ZNF385D: variants seen among roughly 807,000 people sequenced by gnomAD.
ZNF385D encodes zinc finger protein 385D, also known as zinc finger protein 659.
A neutral mutation model predicts 35.8 loss-of-function variants in ZNF385D; 15 were observed. The observed-to-expected ratio is 0.42, with a 90% confidence interval of 0.28 to 0.64. The LOEUF is 0.64. Ranked by LOEUF, ZNF385D falls within the 30% of genes least tolerant of loss-of-function variation. The probability of loss-of-function intolerance (pLI) is 0.23; values close to 1 mark genes in which losing one functional copy is unlikely to be tolerated. For missense variants in ZNF385D, 474 were observed against 494.6 expected, an observed-to-expected ratio of 0.96 and a Z score of 0.39; for synonymous variants, 212 against 186.8, an observed-to-expected ratio of 1.13 and a Z score of -1.10.
chr3:21,489,154 A>G (rs1705234908), intron 4 of ZNF385D, among the ~76,000 whole-genome samples: 1 of 152,076 alleles, frequency 6.6e-6, no homozygotes, highest in Non-Finnish European at 1.5e-5. Flanking sequence ...ACACACACAC[A>G]CTAAGTAGAG....
chr3:22,085,866 C>A (rs954580007), intron 3 of ZNF385D, among the ~76,000 whole-genome samples: 1 of 152,158 alleles, frequency 6.6e-6, no homozygotes, highest in African/African-American at 2.4e-5. Context: ...ATGATCAAGT[C>A]AGCTTCATCC....
At position 21,419,819 on chromosome 3, in the gene ZNF385D, T is replaced by G. The variant is rs538577591; in HGVS notation, c.*1395A>C. 2.0e-5 allele frequency: 3 copies of G among 152,078 alleles called. No homozygotes were observed. Among genetic ancestry groups the G allele is most frequent in the Admixed American group, 2.0e-4 (3 of 15,272 alleles). 9.4% of individuals were successfully genotyped at this position (152,078 alleles called of 1,614,324 possible). A position where few individuals can be genotyped will look rare whatever the true frequency, so the allele number is the denominator to read the frequency against. On this transcript the variant is annotated 3_prime_UTR_variant, in exon 8 of 8. Coordinates refer to ENST00000281523, the MANE Select transcript of ZNF385D (RefSeq NM_024697.3). ...ATTATTTTATATAGATTTTTTCTTT[T>G]TATAACTTATTCTCTTAATCTTTCT...
At chr3:21,913,782 C>T (rs1197442786) in intron 3 of ZNF385D, among the ~76,000 whole-genome samples, 2 of 152,052 alleles carry the variant, frequency 1.3e-5, no homozygotes, top group Non-Finnish European at 2.9e-5. Flanking sequence ...ATTCGGCAGC[C>T]ATCCTCCCAC....
intron 2 of ZNF385D, among the ~76,000 whole-genome samples, chr3:22,327,701 G>A (rs1694742523): frequency 6.6e-6 from 1 of 152,170 alleles, no homozygotes; most frequent in Non-Finnish European, 1.5e-5. Flanking sequence ...ATGCTGCTTG[G>A]CAGATATGAA....
chr3:22,155,652 G>A lies in ZNF385D; in HGVS notation c.325+13165C>T, dbSNP rs548027319. ...GATTGTCTCAAATGTAAGAACTCCT[G>A]TTAAAATAGTTAATAAAGAGAACAT... On this transcript the variant is annotated intron_variant, in intron 3 of 5. Transcript: ENST00000494108. Among the ~76,000 whole-genome samples the A allele has an allele frequency of 8.5e-5, 13 of 152,064 alleles. No individual in the cohort carries two copies. The South Asian group carries it at 1.7e-3, about 19-fold the overall frequency.
chr3:21,877,485 T>G (rs1341526880), intron 3 of ZNF385D, among the ~76,000 whole-genome samples: 1 of 152,038 alleles, frequency 6.6e-6, no homozygotes, highest in Non-Finnish European at 1.5e-5. Context: ...GGTAGTTATT[T>G]AAAGTTAATT....
intron 2 of ZNF385D, among the ~76,000 whole-genome samples, chr3:22,323,141 T>C (rs1330815249): frequency 6.6e-6 from 1 of 152,156 alleles, no homozygotes; most frequent in African/African-American, 2.4e-5. Context: ...TCTACCTGTA[T>C]GGCCTCTTGG....
intron 2 of ZNF385D, among the ~76,000 whole-genome samples, chr3:22,276,048 G>A (rs1226278507): frequency 1.3e-5 from 2 of 152,230 alleles, no homozygotes; most frequent in East Asian, 3.9e-4. Context: ...TCCTGCCACT[G>A]CACTCCAGCC....
chr3:22,153,461 CTTCTT>C (rs1559411826), intron 3 of ZNF385D, among the ~76,000 whole-genome samples: 2 of 119,566 alleles, frequency 1.7e-5, no homozygotes, highest in African/African-American at 7.3e-5. Flanking sequence ...CCATGAAATT[CTTCTT>C]TTTTTTTTTT....
At chr3:22,272,935 A>T (rs1701251261) in intron 2 of ZNF385D, among the ~76,000 whole-genome samples, 1 of 152,010 alleles carries the variant, frequency 6.6e-6, no homozygotes, top group South Asian at 2.1e-4. Flanking sequence ...GAAATAAGAG[A>T]GGACAAAATT....
intron 2 of ZNF385D, among the ~76,000 whole-genome samples, chr3:22,190,675 G>T (rs930436125): frequency 6.6e-6 from 1 of 152,070 alleles, no homozygotes; most frequent in Non-Finnish European, 1.5e-5. Context: ...ATACAAAACT[G>T]TCCCCTATGA....
At chr3:22,251,691 G>A (rs2125329661) in intron 2 of ZNF385D, among the ~76,000 whole-genome samples, 1 of 152,132 alleles carries the variant, frequency 6.6e-6, no homozygotes, top group South Asian at 2.1e-4. Flanking sequence ...CCCTTTAAAT[G>A]GGGGCAGGTA....
chr3:22,098,480 G>C (rs1390410860), intron 3 of ZNF385D, among the ~76,000 whole-genome samples: 3 of 152,052 alleles, frequency 2.0e-5, no homozygotes, highest in Non-Finnish European at 4.4e-5. Flanking sequence ...AATTTATGTG[G>C]ATAATTAGAA....
At chr3:22,256,302 A>G (rs1006597179) in intron 2 of ZNF385D, among the ~76,000 whole-genome samples, 4 of 151,304 alleles carry the variant, frequency 2.6e-5, no homozygotes, top group African/African-American at 9.7e-5. Context: ...ACACTAATCT[A>G]TAAGGGTACT....
intron 3 of ZNF385D, among the ~76,000 whole-genome samples, chr3:21,799,551 T>C (rs1356102): frequency 0.36 from 54,278 of 152,014 alleles, 10,075 homozygotes; most frequent in Middle Eastern, 0.46. Flanking sequence ...TTTCATATTG[T>C]GGCCATTTAT....
intron 2 of ZNF385D, among the ~76,000 whole-genome samples, chr3:21,595,051 C>A (rs1382167): frequency 0.81 from 122,661 of 152,110 alleles, 49,720 homozygotes; most frequent in Non-Finnish European, 0.85. Context: ...CCAGGCTTAA[C>A]AAGATTATTG....
At chr3:21,544,226 A>G (rs1279799710) in intron 3 of ZNF385D, among the ~76,000 whole-genome samples, 2 of 152,214 alleles carry the variant, frequency 1.3e-5, no homozygotes, top group Non-Finnish European at 2.9e-5. Context: ...TTTGAGAACT[A>G]TTTGCTTTGC....
intron 3 of ZNF385D, among the ~76,000 whole-genome samples, chr3:22,073,050 A>G (rs990319408): frequency 6.6e-6 from 1 of 151,986 alleles, no homozygotes; most frequent in Non-Finnish European, 1.5e-5. Flanking sequence ...TCAAGTCACC[A>G]TTAAACTAGA....
Position 21,651,161 on chromosome 3 carries a change from G to A in ZNF385D, c.165+13725C>T, listed in dbSNP as rs572480192. Among the ~76,000 whole-genome samples the A allele has an allele frequency of 1.2e-4, 18 of 150,836 alleles. No individual in the cohort carries two copies. The South Asian group carries it at 3.6e-3, about 30-fold the overall frequency. The stretch of plus-strand genomic sequence containing the variant: ...AAATCAGCTGGGTGTGGTGGCGGGC[G>A]CCTGTAGTCCCAGCTACTCGGGAGG... On this transcript the variant is annotated intron_variant, in intron 2 of 7. Transcript: ENST00000281523.
Sources: allele counts gnomAD v4.1 joint callset (sites outside exome capture counted in the v4.1 genomes callset), GRCh38; gene constraint gnomAD v4.1.1; transcripts MANE v1.5; gene names NCBI Gene and HGNC (gene_info 2026-07-23, HGNC 2026-07-21).